The following SPOPL variants were observed in gnomAD, a reference collection of about 807,000 sequenced individuals.
SPOPL encodes the protein speckle type BTB/POZ protein like, also known as speckle-type POZ protein-like.
SPOPL carries 23 observed loss-of-function variants against 53.8 expected under a neutral mutation model. The ratio of observed to expected loss-of-function variants is 0.43; its 90% CI spans 0.31 to 0.61. SPOPL has a LOEUF of 0.61. Among genes scored for constraint, SPOPL ranks in the 20% least tolerant of loss-of-function variants. SPOPL has a pLI of 0.12. For missense variants in SPOPL, 442 were observed against 466.9 expected (o/e 0.95, Z 0.49); for synonymous variants, 164 against 149.7 (o/e 1.10, Z -0.70).
intron 8 of SPOPL, among the ~76,000 whole-genome samples, chr2:138,564,054 G>A (rs1685607234): frequency 6.6e-6 from 1 of 152,170 alleles, no homozygotes. Flanking sequence ...AGAAAATGCA[G>A]ACTAATCTAT....
At chr2:138,520,606 G>C (rs2104863773) in intron 1 of SPOPL, among the ~76,000 whole-genome samples, 1 of 152,316 alleles carries the variant, frequency 6.6e-6, no homozygotes, top group Non-Finnish European at 1.5e-5. Flanking sequence ...GGCTGTCTTT[G>C]TGTTGTTCTT....
chr2:138,502,620 G>T (rs986258603), intron 1 of SPOPL, among the ~76,000 whole-genome samples: 4 of 151,998 alleles, frequency 2.6e-5, no homozygotes, highest in African/African-American at 9.7e-5. Context: ...TCTCAGCTTC[G>T]CAGACCGCTC....
chr2:138,567,326 AAG>A (rs1685681399), intron 10 of SPOPL, among the ~76,000 whole-genome samples: 1 of 151,290 alleles, frequency 6.6e-6, no homozygotes, highest in Non-Finnish European at 1.5e-5. Flanking sequence ...ACCCCAGAAA[AAG>A]GAAATGAGAT....
chr2:138,569,054 C>G lies in SPOPL; in HGVS notation c.1153C>G (p.Pro385Ala). 1 of 1,613,620 alleles carries G rather than the reference C, an allele frequency of 6.2e-7. No homozygotes were observed. Among genetic ancestry groups the G allele is most frequent in the Non-Finnish European group, 8.5e-7 (1 of 1,179,852 alleles). ...TGCACAGTGTCCACAGTTTGGCATT[C>G]CACGCAAACGGCTAAAACAGTCCTG... Reference protein sequence around the residue: ...ASAQCPQFGIPRKRLKQS With the variant: ...ASAQCPQFGIARKRLKQS The change falls in exon 11 of 11, where the codon CCA becomes GCA. Residue 385 changes from proline to alanine, a missense_variant. Coordinates refer to ENST00000280098, the MANE Select transcript of SPOPL (RefSeq NM_001001664.3).
At chr2:138,504,836 A>G (rs1684179904) in intron 1 of SPOPL, among the ~76,000 whole-genome samples, 1 of 152,246 alleles carries the variant, frequency 6.6e-6, no homozygotes, top group African/African-American at 2.4e-5. Flanking sequence ...AGTAATATGC[A>G]GTCTCTGCTT....
intron 1 of SPOPL, among the ~76,000 whole-genome samples, chr2:138,516,872 C>T (rs1159988226): frequency 1.3e-5 from 2 of 152,166 alleles, no homozygotes; most frequent in Non-Finnish European, 2.9e-5. Flanking sequence ...TCTGGTTTAT[C>T]TGCTTTAATT....
In SPOPL at chr2:138,550,512, G is replaced by T; in HGVS notation, c.108G>T (p.Trp36Cys). The T allele has an allele frequency of 1.2e-6, 2 of 1,611,224 alleles. No individual in the cohort carries two copies. Among genetic ancestry groups the T allele is most frequent in the South Asian group, 2.2e-5 (2 of 90,844 alleles). The part of the protein sequence containing the change: ...QVKVVKFSYM[W>C]TINNFSFCRE... ...AAGTAGTAAAATTTTCCTATATGTG[G>T]ACCATTAATAACTTCAGTTTTTGTC... The change falls in exon 3 of 11, where the codon TGG (tryptophan) becomes TGT (cysteine). Residue 36 changes from tryptophan (W) to cysteine (C), a missense_variant. Trp to Cys is a radical substitution (Grantham distance 215). Transcript: ENST00000280098.
intron 1 of SPOPL, among the ~76,000 whole-genome samples, chr2:138,519,802 T>TA (rs527354604): frequency 0.011 from 1,651 of 152,192 alleles, 34 homozygotes; most frequent in African/African-American, 0.037. Flanking sequence ...AAAAATAAAA[T>TA]AAAAATAAAT....
At position 138,501,927 on chromosome 2, in the gene SPOPL, G is replaced by C. The variant is rs866855216; in HGVS notation, c.-253G>C. 2.0e-5 allele frequency: 3 copies of C among 152,444 alleles called. No homozygotes were observed. In the Middle Eastern group the frequency reaches 0.01, roughly 526 times the overall value. The allele number at this position is 152,444 out of a possible 1,614,324, so 9.4% of individuals were successfully genotyped here. A position where few individuals can be genotyped will look rare whatever the true frequency, so the allele number is the denominator to read the frequency against. ...TGTTTATCCCGGGGAAGAAGTTTAG[G>C]AGCGGGAGATAGGGAAGGAGGGCGG... On this transcript the variant is annotated 5_prime_UTR_variant, in exon 1 of 11. Coordinates refer to ENST00000280098, the MANE Select transcript of SPOPL (RefSeq NM_001001664.3).
intron 1 of SPOPL, among the ~76,000 whole-genome samples, chr2:138,533,063 C>T (rs1334580110): frequency 6.6e-6 from 1 of 152,114 alleles, no homozygotes; most frequent in African/African-American, 2.4e-5. Flanking sequence ...GTTTTACTTA[C>T]TGTTTCTACT....
intron 1 of SPOPL, among the ~76,000 whole-genome samples, chr2:138,520,029 T>G (rs1021392539): frequency 4.6e-5 from 7 of 152,260 alleles, no homozygotes; most frequent in African/African-American, 1.7e-4. Context: ...AATGCAGTGT[T>G]GGTGCTTAAA....
chr2:138,539,141 G>A (rs953985968), intron 1 of SPOPL, among the ~76,000 whole-genome samples: 4 of 152,108 alleles, frequency 2.6e-5, no homozygotes, highest in Non-Finnish European at 4.4e-5. Flanking sequence ...TCTTAATCCA[G>A]TCTATCATTG....
chr2:138,562,509 G>A (rs1461263449), intron 8 of SPOPL, among the ~76,000 whole-genome samples: 2 of 152,074 alleles, frequency 1.3e-5, no homozygotes, highest in African/African-American at 2.4e-5. Context: ...GGCAGGCCTC[G>A]CATGGTGGCT....
At chr2:138,527,148 T>C (rs932422317) in intron 1 of SPOPL, among the ~76,000 whole-genome samples, 1 of 152,250 alleles carries the variant, frequency 6.6e-6, no homozygotes, top group African/African-American at 2.4e-5. Flanking sequence ...TTTAGGATTT[T>C]CTTTTTTTAA....
intron 1 of SPOPL, among the ~76,000 whole-genome samples, chr2:138,531,464 AT>A (rs1684807841): frequency 6.6e-6 from 1 of 152,066 alleles, no homozygotes; most frequent in Non-Finnish European, 1.5e-5. Flanking sequence ...AGATATTACA[AT>A]TTTTCGTTGG....
At chr2:138,556,347 G>A (rs977435158) in intron 5 of SPOPL, among the ~76,000 whole-genome samples, 7 of 151,860 alleles carry the variant, frequency 4.6e-5, no homozygotes, top group Admixed American at 1.3e-4. Context: ...CATTAAATAC[G>A]TTATTTTGAA....
At chr2:138,538,998 T>C (rs577944673) in intron 1 of SPOPL, among the ~76,000 whole-genome samples, 22 of 151,880 alleles carry the variant, frequency 1.4e-4, no homozygotes, top group Admixed American at 2.0e-4. Flanking sequence ...GAACATGCGG[T>C]GTTTGGTTTT....
intron 1 of SPOPL, among the ~76,000 whole-genome samples, chr2:138,543,023 G>A (rs1302840727): frequency 6.6e-6 from 1 of 152,158 alleles, no homozygotes; most frequent in African/African-American, 2.4e-5. Context: ...GTGAAATTCT[G>A]GGTTGAAAAT....
intron 1 of SPOPL, among the ~76,000 whole-genome samples, chr2:138,532,420 C>CT (rs769229731): frequency 0.027 from 1,409 of 53,018 alleles, 44 homozygotes; most frequent in East Asian, 0.029. Flanking sequence ...TTTTTGTTCG[C>CT]TTTTTTTTTT....
Sources: allele counts gnomAD v4.1 joint callset (sites outside exome capture counted in the v4.1 genomes callset), GRCh38; gene constraint gnomAD v4.1.1; transcripts MANE v1.5; gene names NCBI Gene and HGNC (gene_info 2026-07-23, HGNC 2026-07-21).